SERGEF: variants seen among roughly 807,000 people sequenced by gnomAD.
SERGEF encodes secretion-regulating guanine nucleotide exchange factor.
A neutral mutation model predicts 50.0 loss-of-function variants in SERGEF; 51 were observed. The ratio of observed to expected loss-of-function variants is 1.02; its 90% CI spans 0.81 to 1.29. SERGEF has a LOEUF of 1.29. Ranked by LOEUF, SERGEF falls within the 50% of genes most tolerant of loss-of-function variation. SERGEF has a pLI of 0.00. For synonymous variants in SERGEF, 205 were observed against 212.4 expected (o/e 0.97, Z 0.30); for missense variants, 521 against 557.0 (o/e 0.94, Z 0.65).
intron 9 of SERGEF, among the ~76,000 whole-genome samples, chr11:17,956,346 T>G (rs192657134): frequency 6.6e-6 from 1 of 152,208 alleles, no homozygotes; most frequent in African/African-American, 2.4e-5. Context: ...TGTGACCTTC[T>G]TCAAGCACTT....
chr11:17,909,861 G>A (rs1241036604), intron 9 of SERGEF, among the ~76,000 whole-genome samples: 4 of 152,214 alleles, frequency 2.6e-5, no homozygotes, highest in African/African-American at 9.6e-5. Context: ...GCAAGGGGCT[G>A]CAGCTGGAAA....
chr11:18,008,019 G>A lies in SERGEF; in HGVS notation c.118C>T (p.Gln40Ter). 6.2e-7 allele frequency: 1 copy of A among 1,613,972 alleles called. No individual in the cohort carries two copies. Among genetic ancestry groups the A allele is most frequent in the Non-Finnish European group, 8.5e-7 (1 of 1,179,854 alleles). Reference sequence around the variant, plus strand: ...GGTTTACAGAAGTCATTCAGTTGCTGGGGCAACAGCACATCTTCCTTATGG... The same window carrying A: ...GGTTTACAGAAGTCATTCAGTTGCTAGGGCAACAGCACATCTTCCTTATGG... ...LGHKEDVLLP[Q>*]QLNDFCKPRS... Residue 40 changes from glutamine (Q) to a stop codon, truncating the protein, a stop_gained, in exon 2 of 11, where the codon CAG (glutamine) becomes TAG (stop). Transcript: ENST00000265965. LOFTEE classifies it high-confidence loss of function.
intron 10 of SERGEF, among the ~76,000 whole-genome samples, chr11:17,875,231 C>T (rs17793120): frequency 0.025 from 3,816 of 152,266 alleles, 71 homozygotes; most frequent in Non-Finnish European, 0.036. Context: ...GCAGACAGCT[C>T]TACTATTTAT....
intron 10 of SERGEF, among the ~76,000 whole-genome samples, chr11:17,859,389 C>T (rs1414061550): frequency 6.6e-6 from 1 of 151,744 alleles, no homozygotes; most frequent in Non-Finnish European, 1.5e-5. Flanking sequence ...AAAATTTTCT[C>T]ACAAAGTGGT....
chr11:17,915,089 A>G (rs1852024373), intron 9 of SERGEF, among the ~76,000 whole-genome samples: 1 of 152,204 alleles, frequency 6.6e-6, no homozygotes, highest in Non-Finnish European at 1.5e-5. Flanking sequence ...TGTATCTCTC[A>G]TAGCTTTTTG....
At chr11:17,857,105 T>G (rs1364978107) in intron 10 of SERGEF, among the ~76,000 whole-genome samples, 1 of 152,182 alleles carries the variant, frequency 6.6e-6, no homozygotes, top group African/African-American at 2.4e-5. Context: ...CCTGAGGCCA[T>G]GGACTGCTAG....
intron 10 of SERGEF, among the ~76,000 whole-genome samples, chr11:17,850,714 TC>T (rs1850695553): frequency 1.3e-5 from 2 of 152,202 alleles, no homozygotes; most frequent in Admixed American, 6.5e-5. Flanking sequence ...ACTCTGGTAA[TC>T]ATGGCTCCCT....
chr11:18,000,389 C>A, intron 5 of SERGEF, 108 bp downstream of exon 5: 1 of 718,438 alleles, frequency 1.4e-6, no homozygotes, highest in Middle Eastern at 3.8e-4. Context: ...TTCAAGGCTA[C>A]AGCAAGCTAT....
At chr11:17,985,399 C>T (rs1565223239) in intron 8 of SERGEF, among the ~76,000 whole-genome samples, 1 of 152,124 alleles carries the variant, frequency 6.6e-6, no homozygotes, top group Non-Finnish European at 1.5e-5. Context: ...TCAAGGTCAA[C>T]AAACTAGGAA....
At chr11:17,896,580 G>GGGTAAC (rs1565197809) in intron 9 of SERGEF, among the ~76,000 whole-genome samples, 1 of 33,192 alleles carries the variant, frequency 3.0e-5, no homozygotes, top group Non-Finnish European at 5.7e-5. Context: ...GGGAAGGGAA[G>GGGTAAC]GGAAGGGGAA....
chr11:18,004,314 A>T, intron 4 of SERGEF, 127 bp downstream of exon 4: 1 of 600,258 alleles, frequency 1.7e-6, no homozygotes, highest in Non-Finnish European at 2.8e-6. Flanking sequence ...CCTATTTTTC[A>T]ACTCAAATTC....
chr11:17,788,648 TTC>T, intron 10 of SERGEF, among the ~76,000 whole-genome samples: 1 of 152,088 alleles, frequency 6.6e-6, no homozygotes, highest in Non-Finnish European at 1.5e-5. Context: ...ACTGCTCATG[TTC>T]CAAGCGTGGC....
intron 10 of SERGEF, among the ~76,000 whole-genome samples, chr11:17,857,793 C>T (rs1363515366): frequency 6.6e-6 from 1 of 152,186 alleles, no homozygotes; most frequent in Non-Finnish European, 1.5e-5. Context: ...TCCTTGTCAG[C>T]TGTGGCCTAC....
intron 10 of SERGEF, among the ~76,000 whole-genome samples, chr11:17,803,263 A>C (rs1419426652): frequency 6.6e-6 from 1 of 152,152 alleles, no homozygotes; most frequent in African/African-American, 2.4e-5. Context: ...ACCACCTCCA[A>C]CTCTAGGATC....
chr11:17,811,492 G>T (rs1849872879), intron 10 of SERGEF, among the ~76,000 whole-genome samples: 1 of 152,248 alleles, frequency 6.6e-6, no homozygotes, highest in Non-Finnish European at 1.5e-5. Flanking sequence ...ATCAAGCACA[G>T]ATTTATCTAG....
chr11:17,795,262 G>A (rs887674898), intron 10 of SERGEF, among the ~76,000 whole-genome samples: 7 of 152,182 alleles, frequency 4.6e-5, no homozygotes, highest in Non-Finnish European at 2.9e-5. Flanking sequence ...AAGCTCATAG[G>A]GATCCCATCC....
chr11:17,821,616 A>G (rs893909061), intron 10 of SERGEF, among the ~76,000 whole-genome samples: 3 of 152,188 alleles, frequency 2.0e-5, no homozygotes, highest in African/African-American at 4.8e-5. Flanking sequence ...TGCCCTCCTC[A>G]TTCCCTTACA....
intron 9 of SERGEF, among the ~76,000 whole-genome samples, chr11:17,907,163 CAAAAAAAAA>C (rs200442630): frequency 1.0e-3 from 118 of 116,788 alleles, no homozygotes; most frequent in African/African-American, 3.4e-3. Context: ...AACTTATGAC[CAAAAAAAAA>C]AAAAAAAAAA....
chr11:17,871,963 G>C (rs1590168732), intron 10 of SERGEF, among the ~76,000 whole-genome samples: 7 of 152,226 alleles, frequency 4.6e-5, no homozygotes. Context: ...CTATCAAAAG[G>C]CGTGTATAAG....
Sources: allele counts gnomAD v4.1 joint callset (sites outside exome capture counted in the v4.1 genomes callset), GRCh38; gene constraint gnomAD v4.1.1; transcripts MANE v1.5; gene names NCBI Gene and HGNC (gene_info 2026-07-23, HGNC 2026-07-21).